The following CTNNA2 variants were observed in gnomAD, a reference collection of about 807,000 sequenced individuals.
CTNNA2 encodes the protein catenin alpha 2, also known as catenin alpha-2.
A neutral mutation model predicts 101.0 loss-of-function variants in CTNNA2; 42 were observed. That is an observed-to-expected ratio of 0.42 (90% confidence interval 0.32 to 0.54). The LOEUF (loss-of-function observed/expected upper bound fraction) is 0.54, where lower values mean the gene tolerates loss of function less well. Among genes scored for constraint, CTNNA2 ranks in the 20% least tolerant of loss-of-function variants. The pLI is 0.14. For missense variants in CTNNA2, 871 were observed against 1,223.1 expected (o/e 0.71, Z 4.29); for synonymous variants, 450 against 456.4 (o/e 0.99, Z 0.18).
intron 18 of CTNNA2, among the ~76,000 whole-genome samples, chr2:80,624,438 A>G (rs1166931574): frequency 1.3e-5 from 2 of 151,994 alleles, no homozygotes; most frequent in African/African-American, 4.8e-5. Context: ...CCTTACACCC[A>G]TCAATCTGTG....
At chr2:79,892,181 G>T (rs939019320) in intron 6 of CTNNA2, among the ~76,000 whole-genome samples, 1 of 152,032 alleles carries the variant, frequency 6.6e-6, no homozygotes, top group African/African-American at 2.4e-5. Context: ...ACACTTCAGA[G>T]AATATTTCTT....
At chr2:79,677,934 C>T (rs1330574903) in intron 2 of CTNNA2, among the ~76,000 whole-genome samples, 1 of 152,146 alleles carries the variant, frequency 6.6e-6, no homozygotes, top group Non-Finnish European at 1.5e-5. Context: ...TTGCAACTCA[C>T]TGAGGAATAG....
At chr2:79,715,020 G>A (rs559471558) in intron 2 of CTNNA2, among the ~76,000 whole-genome samples, 53 of 139,334 alleles carry the variant, frequency 3.8e-4, no homozygotes, top group Middle Eastern at 7.4e-3. Flanking sequence ...GTGAAACCCC[G>A]TCTCTACTAA....
At chr2:79,880,960 C>G (rs1429352488) in intron 6 of CTNNA2, among the ~76,000 whole-genome samples, 1 of 152,164 alleles carries the variant, frequency 6.6e-6, no homozygotes, top group Non-Finnish European at 1.5e-5. Context: ...GCATTTAGTG[C>G]TATAAATTTC....
intron 4 of CTNNA2, among the ~76,000 whole-genome samples, chr2:79,452,117 T>C (rs1670762496): frequency 6.6e-6 from 1 of 152,148 alleles, no homozygotes; most frequent in Non-Finnish European, 1.5e-5. Context: ...TTAAATTAGT[T>C]TGCAAGAAGT....
intron 7 of CTNNA2, among the ~76,000 whole-genome samples, chr2:80,024,091 A>G (rs1220309756): frequency 2.6e-5 from 4 of 151,202 alleles, no homozygotes; most frequent in African/African-American, 4.8e-5. Flanking sequence ...CGTCTCAGAA[A>G]AAAAAAAAAA....
chr2:79,380,093 CT>C (rs926673033), intron 4 of CTNNA2, among the ~76,000 whole-genome samples: 24 of 152,184 alleles, frequency 1.6e-4, no homozygotes, highest in African/African-American at 5.5e-4. Flanking sequence ...TACAAAACAA[CT>C]TTTTATAATC....
At chr2:80,274,094 A>C (rs1673708134) in intron 7 of CTNNA2, among the ~76,000 whole-genome samples, 1 of 152,222 alleles carries the variant, frequency 6.6e-6, no homozygotes, top group South Asian at 2.1e-4. Context: ...TGGAAATAGC[A>C]GTCTTAAAAG....
chr2:79,562,557 C>T (rs180988228), intron 1 of CTNNA2, among the ~76,000 whole-genome samples: 13 of 152,010 alleles, frequency 8.6e-5, no homozygotes, highest in East Asian at 3.9e-4. Flanking sequence ...CAGAAATTGA[C>T]GACTGAGATT....
At chr2:79,711,696 G>T (rs533045672) in intron 2 of CTNNA2, among the ~76,000 whole-genome samples, 102 of 152,256 alleles carry the variant, frequency 6.7e-4, no homozygotes, top group African/African-American at 1.9e-3. Context: ...AGGGATTGGA[G>T]AACTTTTTTT....
chr2:79,872,067 C>T (rs1682626043), intron 5 of CTNNA2, among the ~76,000 whole-genome samples: 1 of 152,154 alleles, frequency 6.6e-6, no homozygotes, highest in African/African-American at 2.4e-5. Context: ...GGTATATTTT[C>T]TTTCAGATAT....
chr2:80,376,638 A>G (rs1675983557), intron 7 of CTNNA2, among the ~76,000 whole-genome samples: 1 of 152,176 alleles, frequency 6.6e-6, no homozygotes, highest in Non-Finnish European at 1.5e-5. Context: ...GAGGACATTT[A>G]GAAAAGAATG....
chr2:79,855,492 C>T (rs2974155), intron 3 of CTNNA2, among the ~76,000 whole-genome samples: 8,639 of 152,252 alleles, frequency 0.057, 266 homozygotes, highest in Middle Eastern at 0.078. Flanking sequence ...CTGGCAAGAC[C>T]TGTCTTCTGG....
chr2:80,239,643 G>A (rs978067638), intron 7 of CTNNA2, among the ~76,000 whole-genome samples: 1 of 152,062 alleles, frequency 6.6e-6, no homozygotes, highest in Non-Finnish European at 1.5e-5. Flanking sequence ...CTGGCGTGGT[G>A]GCTCACATCT....
At chr2:79,298,205 AAAGG>A (rs1404829434) in intron 2 of CTNNA2, among the ~76,000 whole-genome samples, 2 of 152,200 alleles carry the variant, frequency 1.3e-5, no homozygotes, top group Non-Finnish European at 2.9e-5. Flanking sequence ...GGCAAAAGGC[AAAGG>A]GGGTGCAGTC....
At chr2:80,321,891 C>G (rs13384617) in intron 7 of CTNNA2, among the ~76,000 whole-genome samples, 1 of 152,054 alleles carries the variant, frequency 6.6e-6, no homozygotes, top group Admixed American at 6.6e-5. Context: ...AATCTATACT[C>G]TAGGAAAAGC....
At chr2:79,848,806 T>C (rs1310718920) in intron 3 of CTNNA2, among the ~76,000 whole-genome samples, 1 of 152,204 alleles carries the variant, frequency 6.6e-6, no homozygotes, top group African/African-American at 2.4e-5. Context: ...TTGGAGCTGC[T>C]CTTGCCACTG....
At chr2:79,970,911 T>C (rs1690432942) in intron 7 of CTNNA2, among the ~76,000 whole-genome samples, 1 of 152,130 alleles carries the variant, frequency 6.6e-6, no homozygotes, top group East Asian at 1.9e-4. Context: ...TTTGACAACA[T>C]TATTTCTTTC....
chr2:79,408,242 G>T (rs921050152), intron 4 of CTNNA2, among the ~76,000 whole-genome samples: 4 of 151,800 alleles, frequency 2.6e-5, no homozygotes, highest in Non-Finnish European at 5.9e-5. Context: ...CCTTTGACAT[G>T]TGGTGAACTT....
Sources: gnomAD v4.1 joint callset for allele counts (sites outside exome capture counted in the v4.1 genomes callset) on GRCh38, gnomAD v4.1.1 for gene constraint, MANE v1.5 for transcripts, NCBI Gene and HGNC (gene_info 2026-07-23, HGNC 2026-07-21) for gene names.